ATP13A4: variants seen among roughly 807,000 people sequenced by gnomAD.
The protein encoded by ATP13A4 is probable cation-transporting ATPase 13A4.
A neutral mutation model predicts 142.5 loss-of-function variants in ATP13A4; 114 were observed. The ratio of observed to expected loss-of-function variants is 0.80; its 90% CI spans 0.69 to 0.93. The LOEUF (loss-of-function observed/expected upper bound fraction) is 0.93, where lower values mean the gene tolerates loss of function less well. ATP13A4 is among the 40% of genes least tolerant of loss of function. ATP13A4 has a pLI of 0.00. For synonymous variants in ATP13A4, 488 were observed against 514.8 expected (o/e 0.95, Z 0.70); for missense variants, 1,392 against 1,454.0 (o/e 0.96, Z 0.69).
intron 7 of ATP13A4, among the ~76,000 whole-genome samples, chr3:193,486,281 C>G (rs9857994): frequency 0.48 from 72,101 of 151,742 alleles, 17,712 homozygotes; most frequent in African/African-American, 0.61. Flanking sequence ...TATTGTAAGA[C>G]CAATGGGAAT....
intron 2 of ATP13A4, among the ~76,000 whole-genome samples, chr3:193,571,124 A>G (rs1724254153): frequency 6.6e-6 from 1 of 152,072 alleles, no homozygotes; most frequent in African/African-American, 2.4e-5. Flanking sequence ...CTAAAAATAC[A>G]AAAATTAGCC....
At chr3:193,520,353 C>T (rs1381911706) in intron 1 of ATP13A4, among the ~76,000 whole-genome samples, 1 of 152,214 alleles carries the variant, frequency 6.6e-6, no homozygotes, top group Non-Finnish European at 1.5e-5. Context: ...CTCCCAGATG[C>T]TGCTCTGTGC....
chr3:193,458,354 T>C (rs1474061159), intron 14 of ATP13A4, among the ~76,000 whole-genome samples: 1 of 152,228 alleles, frequency 6.6e-6, no homozygotes, highest in Non-Finnish European at 1.5e-5. Context: ...GGAGAACGTT[T>C]CCTTTTACGA....
At position 193,402,692 on chromosome 3, in the gene ATP13A4, T is replaced by TA; in HGVS notation, c.3550dup (p.Tyr1184LeufsTer7). 1 of 1,243,266 alleles carries TA rather than the reference T, an allele frequency of 8.0e-7. No homozygotes were observed. The highest frequency in any genetic ancestry group is 1.2e-6 in the Non-Finnish European group (1 of 841,578). The allele number at this position is 1,243,266 out of a possible 1,614,324, so 77.0% of individuals were successfully genotyped here. ...ATTGCTCTCAAATACTGGATTGCTG[T>TA]AAGACACTCCTCTGCCACACTCCGG... On this transcript the variant is annotated frameshift_variant, in exon 30 of 30. Coordinates refer to ENST00000342695, the MANE Select transcript of ATP13A4 (RefSeq NM_032279.4). LOFTEE classifies it high-confidence loss of function.
chr3:193,517,354 A>C (rs1029822836), intron 1 of ATP13A4, among the ~76,000 whole-genome samples: 1 of 152,250 alleles, frequency 6.6e-6, no homozygotes, highest in African/African-American at 2.4e-5. Flanking sequence ...GGTTACATGG[A>C]GAGATAACCA....
upstream of ATP13A4, among the ~76,000 whole-genome samples, chr3:193,558,144 G>A (rs1391803006): frequency 6.6e-6 from 1 of 152,144 alleles, no homozygotes; most frequent in Non-Finnish European, 1.5e-5. Flanking sequence ...CATATTATAG[G>A]AATCAGGTCC....
intron 2 of ATP13A4, among the ~76,000 whole-genome samples, chr3:193,566,441 T>G (rs1168661201): frequency 6.6e-6 from 1 of 152,184 alleles, no homozygotes; most frequent in African/African-American, 2.4e-5. Context: ...TATTCTGTCC[T>G]CAAGAATCTG....
chr3:193,440,750 A>C, intron 20 of ATP13A4, 113 bp from the exon 21 acceptor site: 1 of 1,154,598 alleles, frequency 8.7e-7, no homozygotes, highest in Non-Finnish European at 1.3e-6. Context: ...GAAGAAAAAA[A>C]AAAGTTTCCA....
At chr3:193,495,218 G>C (rs1047867938) in intron 3 of ATP13A4, among the ~76,000 whole-genome samples, 5 of 152,020 alleles carry the variant, frequency 3.3e-5, no homozygotes, top group African/African-American at 1.2e-4. Flanking sequence ...AAATTGAAGA[G>C]AGGAAAATAT....
chr3:193,513,159 G>T (rs1721228641), intron 2 of ATP13A4, among the ~76,000 whole-genome samples: 1 of 152,180 alleles, frequency 6.6e-6, no homozygotes, highest in South Asian at 2.1e-4. Flanking sequence ...CCAAGATCCA[G>T]AAATGAAAGG....
At chr3:193,442,346 T>C (rs995685371) in intron 19 of ATP13A4, 47 bp downstream of exon 19, 2 of 1,586,702 alleles carry the variant, frequency 1.3e-6, no homozygotes, top group Non-Finnish European at 1.7e-6. Flanking sequence ...TCACCAACAC[T>C]GCAAGACACA....
chr3:193,495,500 G>C (rs905870337), intron 3 of ATP13A4, among the ~76,000 whole-genome samples: 1 of 151,942 alleles, frequency 6.6e-6, no homozygotes, highest in Non-Finnish European at 1.5e-5. Flanking sequence ...ATGATCATTT[G>C]AACAAATACA....
At position 193,445,368 on chromosome 3, in the gene ATP13A4, G is replaced by A. The variant is rs531527391; in HGVS notation, c.2153-2812C>T. ...GGAGAATCACTTGAACCCAGGAGGCGGAGGTTGCAGCGAGCCGAGATCGCA... is the reference window on the plus strand; with the variant it reads ...GGAGAATCACTTGAACCCAGGAGGCAGAGGTTGCAGCGAGCCGAGATCGCA... On this transcript the variant is annotated intron_variant, in intron 18 of 29. Coordinates refer to ENST00000342695, the MANE Select transcript of ATP13A4 (RefSeq NM_032279.4). 7.2e-5 allele frequency among the ~76,000 whole-genome samples: 11 copies of A among 152,054 alleles called. No homozygotes were observed. The South Asian group carries it at 1.0e-3, about 14-fold the overall frequency.
chr3:193,542,654 G>C (rs1208390949), intron 1 of ATP13A4, among the ~76,000 whole-genome samples: 1 of 152,116 alleles, frequency 6.6e-6, no homozygotes, highest in Non-Finnish European at 1.5e-5. Flanking sequence ...AAACAGAATA[G>C]ATATCTCAGA....
intron 25 of ATP13A4, among the ~76,000 whole-genome samples, chr3:193,419,434 C>T (rs1388381842): frequency 6.7e-6 from 1 of 149,952 alleles, no homozygotes; most frequent in African/African-American, 2.5e-5. Context: ...TAGTGTCTTG[C>T]CTTCTGGGAA....
intron 1 of ATP13A4, among the ~76,000 whole-genome samples, chr3:193,534,156 A>G (rs560874947): frequency 4.5e-4 from 68 of 152,240 alleles, no homozygotes; most frequent in Non-Finnish European, 9.4e-4. Context: ...ATCTTCAAAT[A>G]TCAATGGAGG....
chr3:193,503,419 G>A (rs1240939301), intron 2 of ATP13A4, among the ~76,000 whole-genome samples: 1 of 152,206 alleles, frequency 6.6e-6, no homozygotes, highest in Non-Finnish European at 1.5e-5. Context: ...GTCCCTTAGA[G>A]ACCTATTTGA....
chr3:193,404,648 A>G (rs937649323), intron 29 of ATP13A4, among the ~76,000 whole-genome samples: 2 of 152,076 alleles, frequency 1.3e-5, no homozygotes, highest in Non-Finnish European at 2.9e-5. Context: ...GGGCCATGTA[A>G]GACCTGCCTG....
At chr3:193,486,976 A>T (rs1213251270) in intron 7 of ATP13A4, among the ~76,000 whole-genome samples, 1 of 152,242 alleles carries the variant, frequency 6.6e-6, no homozygotes, top group Non-Finnish European at 1.5e-5. Context: ...CAAGAAACTA[A>T]TGTAAGCAGT....
Sources: allele counts gnomAD v4.1 joint callset (sites outside exome capture counted in the v4.1 genomes callset), GRCh38; gene constraint gnomAD v4.1.1; transcripts MANE v1.5; gene names NCBI Gene and HGNC (gene_info 2026-07-23, HGNC 2026-07-21).